The following FCRL4 variants were observed in gnomAD, a reference collection of about 807,000 sequenced individuals.
FCRL4 encodes Fc receptor like 4.
Under a neutral mutation model 64.1 loss-of-function variants are expected in FCRL4, and 43 were observed. That is an observed-to-expected ratio of 0.67 (90% CI 0.53 to 0.87). The LOEUF (loss-of-function observed/expected upper bound fraction) is 0.87, where lower values mean the gene tolerates loss of function less well. Among genes scored for constraint, FCRL4 ranks in the 40% least tolerant of loss-of-function variants. The pLI, the probability that FCRL4 is intolerant of heterozygous loss-of-function variation, is 0.00. For missense variants in FCRL4, 656 were observed against 613.5 expected, an observed-to-expected ratio of 1.07 and a Z score of -0.73; for synonymous variants, 253 against 239.8, an observed-to-expected ratio of 1.05 and a Z score of -0.51.
At chr1:157,585,261 TC>T (rs1652648121) in intron 6 of FCRL4, among the ~76,000 whole-genome samples, 1 of 148,132 alleles carries the variant, frequency 6.8e-6, no homozygotes, top group Non-Finnish European at 1.5e-5. Context: ...TTCTTTCCTT[TC>T]TTTCCTTCCT....
intron 5 of FCRL4, among the ~76,000 whole-genome samples, chr1:157,586,840 C>A (rs559397210): frequency 6.6e-6 from 1 of 152,118 alleles, no homozygotes; most frequent in African/African-American, 2.4e-5. Flanking sequence ...TTGGGCCTAT[C>A]TATCTATCTA....
intron 6 of FCRL4, among the ~76,000 whole-genome samples, chr1:157,583,255 G>A (rs1228603951): frequency 6.6e-6 from 1 of 152,138 alleles, no homozygotes. Context: ...TTCATATTTT[G>A]TGGTCCTGAC....
At chr1:157,581,451 G>A in intron 7 of FCRL4, 80 bp downstream of exon 7, 2 of 1,124,910 alleles carry the variant, frequency 1.8e-6, no homozygotes, top group Non-Finnish European at 2.7e-6. Flanking sequence ...GTGGTGGCCT[G>A]GTGGCCACTA....
chr1:157,595,026 G>A (rs565216685), intron 2 of FCRL4, among the ~76,000 whole-genome samples: 5 of 152,224 alleles, frequency 3.3e-5, no homozygotes, highest in African/African-American at 1.2e-4. Context: ...AGCCTCCTGA[G>A]TAACTGGGAT....
In FCRL4 at chr1:157,598,073, T is replaced by C. The variant is rs1165407363; in HGVS notation, c.-129A>G. The C allele has an allele frequency of 1.5e-6, 1 of 664,056 alleles. No homozygotes were observed. Among genetic ancestry groups the C allele is most frequent in the Non-Finnish European group, 2.7e-6 (1 of 365,592 alleles). The allele number at this position is 664,056 out of a possible 1,614,324, so 41.1% of individuals were successfully genotyped here. On this transcript the variant is annotated 5_prime_UTR_variant, in exon 1 of 12. Transcript: ENST00000271532. ...AGTAAGCTTCTTCTCTGCATAAAGCTGATTGAGATAATGAAGTGAAAGGGG... is the reference window on the plus strand; with the variant it reads ...AGTAAGCTTCTTCTCTGCATAAAGCCGATTGAGATAATGAAGTGAAAGGGG...
chr1:157,587,158 C>A, intron 5 of FCRL4, 118 bp downstream of exon 5: 2 of 1,185,854 alleles, frequency 1.7e-6, no homozygotes, highest in Non-Finnish European at 1.2e-6. Context: ...CACTTCTTGG[C>A]CTAAGCCTGG....
intron 10 of FCRL4, among the ~76,000 whole-genome samples, chr1:157,576,076 A>G (rs1652406859): frequency 6.6e-6 from 1 of 152,060 alleles, no homozygotes; most frequent in South Asian, 2.1e-4. Context: ...ACCACCCCCG[A>G]TTGTTTGGCA....
intron 8 of FCRL4, 45 bp downstream of exon 8, chr1:157,580,276 T>C (rs10489673): frequency 0.39 from 623,521 of 1,607,016 alleles, 128,094 homozygotes; most frequent in East Asian, 0.61. Context: ...TTGCATATTG[T>C]GTACTCGGGA....
At chr1:157,593,587 G>A (rs1200783104) in intron 2 of FCRL4, among the ~76,000 whole-genome samples, 1 of 152,170 alleles carries the variant, frequency 6.6e-6, no homozygotes, top group Non-Finnish European at 1.5e-5. Flanking sequence ...CTAATTGGCT[G>A]TATGAGGGGG....
intron 4 of FCRL4, 149 bp downstream of exon 4, chr1:157,587,716 T>A: frequency 9.0e-7 from 1 of 1,107,334 alleles, no homozygotes; most frequent in Non-Finnish European, 1.3e-6. Context: ...ATTATTCAGG[T>A]CCAATCACCC....
At chr1:157,577,315 C>A (rs1044209541) in intron 10 of FCRL4, among the ~76,000 whole-genome samples, 1 of 152,012 alleles carries the variant, frequency 6.6e-6, no homozygotes, top group African/African-American at 2.4e-5. Flanking sequence ...CCAAAGTGGA[C>A]CATAGGTTGC....
At chr1:157,595,764 G>A (rs1652948048) in intron 2 of FCRL4, among the ~76,000 whole-genome samples, 1 of 152,166 alleles carries the variant, frequency 6.6e-6, no homozygotes, top group African/African-American at 2.4e-5. Flanking sequence ...GCAGCTCCTA[G>A]GGTGCTCTAT....
rs72402109 is a variant in FCRL4 at position 157,584,377 on chromosome 1, TA to T, written c.1135+1790del. 2.9e-4 allele frequency among the ~76,000 whole-genome samples: 43 copies of T among 148,380 alleles called. No individual in the cohort carries two copies. In the East Asian group the frequency reaches 6.9e-3, roughly 24 times the overall value. On this transcript the variant is annotated intron_variant, in intron 6 of 11. Transcript: ENST00000271532. ...GAACCTTTCTCTATGAAAAATAAAT[TA>T]AAAAAAAAATAGCTGGCCATGGTGG...
In FCRL4 at chr1:157,578,983, C is replaced by CTGAA. The variant is rs1490724176; in HGVS notation, c.1278-135_1278-132dup. On this transcript the variant is annotated intron_variant, in intron 8 of 11. Coordinates refer to ENST00000271532, the MANE Select transcript of FCRL4 (RefSeq NM_031282.3). ...AGCAGCCAGTAGGGAACTGGAAAGC[C>CTGAA]TGAATGGTTTAATCAGAGTTTCAAT... 8.7e-6 allele frequency: 6 copies of CTGAA among 687,706 alleles called. No individual in the cohort carries two copies. In the African/African-American group the frequency reaches 9.1e-5, roughly 10 times the overall value. 42.6% of individuals were successfully genotyped at this position (687,706 alleles called of 1,614,324 possible).
chr1:157,586,059 C>A (rs565814110), intron 6 of FCRL4, 109 bp downstream of exon 6: 24 of 1,168,464 alleles, frequency 2.1e-5, no homozygotes, highest in Admixed American at 6.9e-5. Context: ...TGGAGCATGG[C>A]AAAATGGAAA....
Position 157,585,336 on chromosome 1 carries a change from T to C in FCRL4, c.1135+832A>G, listed in dbSNP as rs966068503. Among the ~76,000 whole-genome samples, 34 of 129,788 alleles carry C rather than the reference T, an allele frequency of 2.6e-4. No individual in the cohort carries two copies. In the East Asian group the frequency reaches 6.4e-3, roughly 24 times the overall value. 85.1% of individuals were successfully genotyped at this position (129,788 alleles called of 152,430 possible). On this transcript the variant is annotated intron_variant, in intron 6 of 11. Transcript: ENST00000271532. Reference sequence around the variant, plus strand: ...TTTCCTTCCTTCCTTCTCTCTTTCTTTCTCTCTCTCTTTCTTTCTTTCTTT... The same window carrying C: ...TTTCCTTCCTTCCTTCTCTCTTTCTCTCTCTCTCTCTTTCTTTCTTTCTTT...
Position 157,575,472 on chromosome 1 carries a change from T to C in FCRL4, c.*52A>G. ...AAGGACTGCACTGGGCCTGGGACTT[T>C]GGACAAGGGAGAAATCACATGAGTA... is the stretch of plus-strand genomic sequence containing the variant. On this transcript the variant is annotated 3_prime_UTR_variant, in exon 12 of 12. Coordinates refer to ENST00000271532, the MANE Select transcript of FCRL4 (RefSeq NM_031282.3). The C allele has an allele frequency of 2.8e-6, 4 of 1,424,332 alleles. No individual in the cohort carries two copies. The highest frequency in any genetic ancestry group is 2.8e-5 in the African/African-American group (2 of 71,352). The allele number at this position is 1,424,332 out of a possible 1,614,324, so 88.2% of individuals were successfully genotyped here.
At chr1:157,581,471 G>T in intron 7 of FCRL4, 60 bp downstream of exon 7, 1 of 1,433,874 alleles carries the variant, frequency 7.0e-7, no homozygotes, top group Non-Finnish European at 9.8e-7. Context: ...AAGGCTGTCT[G>T]CATGCTGAGT....
chr1:157,580,406 T>G (rs1263918803), intron 7 of FCRL4, 58 bp from the exon 8 acceptor site: 3 of 1,574,298 alleles, frequency 1.9e-6, no homozygotes, highest in East Asian at 4.5e-5. Context: ...TCTCAATGAC[T>G]TCATGTAACA....
Sources: allele counts gnomAD v4.1 joint callset (sites outside exome capture counted in the v4.1 genomes callset), GRCh38; gene constraint gnomAD v4.1.1; transcripts MANE v1.5; gene names NCBI Gene and HGNC (gene_info 2026-07-23, HGNC 2026-07-21).